NCALD: variants seen among roughly 807,000 people sequenced by gnomAD.
NCALD encodes neurocalcin delta.
In NCALD, 10 loss-of-function variants were observed where a neutral mutation model predicts 18.6. The ratio of observed to expected loss-of-function variants is 0.54; its 90% CI spans 0.33 to 0.91. The LOEUF is 0.91. NCALD is among the 40% of genes least tolerant of loss of function. NCALD has a pLI of 0.03. For missense variants in NCALD, 184 were observed against 247.6 expected (o/e 0.74, Z 1.72); for synonymous variants, 88 against 87.4 (o/e 1.01, Z -0.04).
At chr8:101,921,988 GGCTGGAAT>G (rs1818182081) in intron 2 of NCALD, among the ~76,000 whole-genome samples, 1 of 150,572 alleles carries the variant, frequency 6.6e-6, no homozygotes, top group African/African-American at 2.5e-5. Context: ...CTATTGCCCA[GGCTGGAAT>G]GCAGTGGCAC....
chr8:101,807,466 C>T lies in NCALD; in HGVS notation c.-20+79675G>A, dbSNP rs112328815. ...TGAATCCACAGGTATAAACAGAGAA[C>T]CAGAAAAGATGCAGAAACATAGACC... is the stretch of plus-strand genomic sequence containing the variant. On this transcript the variant is annotated intron_variant, in intron 4 of 6. Transcript: ENST00000311028. 5.7e-3 allele frequency among the ~76,000 whole-genome samples: 872 copies of T among 152,082 alleles called. 11 individuals carry two copies. Among genetic ancestry groups the T allele is most frequent in the African/African-American group, 0.018 (766 of 41,506 alleles).
At chr8:101,954,633 G>C (rs1236037857) in intron 2 of NCALD, among the ~76,000 whole-genome samples, 6 of 152,194 alleles carry the variant, frequency 3.9e-5, no homozygotes, top group Non-Finnish European at 7.3e-5. Flanking sequence ...AGGACAAAGG[G>C]AGGAGAAGAG....
intron 2 of NCALD, among the ~76,000 whole-genome samples, chr8:101,963,333 T>A (rs1230378435): frequency 1.3e-5 from 2 of 152,178 alleles, no homozygotes; most frequent in Non-Finnish European, 2.9e-5. Flanking sequence ...CTCCTTTTCC[T>A]GGTTTTTTGA....
chr8:101,804,876 A>C (rs1353829443), intron 4 of NCALD, among the ~76,000 whole-genome samples: 2 of 151,526 alleles, frequency 1.3e-5, no homozygotes, highest in Non-Finnish European at 2.9e-5. Context: ...CTGGAATCAA[A>C]CCTGCAATAC....
At position 101,916,265 on chromosome 8, in the gene NCALD, C is replaced by T. The variant is rs989639715; in HGVS notation, c.-156-407G>A. ...AGGGATATTCAAAAAAGAACTATCC[C>T]ACCAAATTAAGCTTCATAAAAGAAG... is the stretch of plus-strand genomic sequence containing the variant. On this transcript the variant is annotated intron_variant, in intron 2 of 6. Transcript: ENST00000311028. Among the ~76,000 whole-genome samples, 11 of 152,164 alleles carry T rather than the reference C, an allele frequency of 7.2e-5. No homozygotes were observed. The South Asian group carries it at 2.1e-3, about 29-fold the overall frequency.
chr8:101,906,013 C>A (rs1044527807), intron 3 of NCALD, among the ~76,000 whole-genome samples: 1 of 152,192 alleles, frequency 6.6e-6, no homozygotes, highest in Non-Finnish European at 1.5e-5. Flanking sequence ...TTATGTGATT[C>A]ATTTATGCAA....
intron 3 of NCALD, among the ~76,000 whole-genome samples, chr8:101,899,482 T>G (rs534636515): frequency 4.0e-4 from 61 of 152,130 alleles, no homozygotes; most frequent in African/African-American, 1.4e-3. Context: ...GAGAAAGAAT[T>G]CAATCTTTTA....
chr8:101,872,473 A>ATACT, intron 4 of NCALD: 4 of 880,458 alleles, frequency 4.5e-6, no homozygotes, highest in Non-Finnish European at 7.7e-6. Context: ...TGATTCTTTT[A>ATACT]TACTTTCCTT....
intron 1 of NCALD, among the ~76,000 whole-genome samples, chr8:102,096,920 A>C (rs1267007714): frequency 6.6e-6 from 1 of 152,208 alleles, no homozygotes; most frequent in Non-Finnish European, 1.5e-5. Context: ...CACTGGTAAC[A>C]AGATGACCTC....
chr8:101,819,764 T>C (rs1813645328), intron 4 of NCALD, among the ~76,000 whole-genome samples: 1 of 152,146 alleles, frequency 6.6e-6, no homozygotes, highest in Non-Finnish European at 1.5e-5. Flanking sequence ...TGAATAACAC[T>C]TAGCGAGATA....
At chr8:101,919,487 A>C (rs1818087359) in intron 2 of NCALD, among the ~76,000 whole-genome samples, 1 of 151,978 alleles carries the variant, frequency 6.6e-6, no homozygotes, top group Admixed American at 6.5e-5. Flanking sequence ...ATTTATGACT[A>C]GGCCCTCAAA....
intron 1 of NCALD, among the ~76,000 whole-genome samples, chr8:102,038,078 A>G (rs1423270878): frequency 6.6e-6 from 1 of 152,190 alleles, no homozygotes; most frequent in East Asian, 1.9e-4. Flanking sequence ...CAGTCTGGGA[A>G]GAAGAATGCT....
chr8:101,853,358 G>T (rs541355949), intron 4 of NCALD, among the ~76,000 whole-genome samples: 10 of 152,216 alleles, frequency 6.6e-5, no homozygotes, highest in African/African-American at 2.2e-4. Flanking sequence ...GGGATGAAAA[G>T]GCATTTGGGA....
In NCALD at chr8:102,026,595, C is replaced by A. The variant is rs1586943790; in HGVS notation, c.-209-6306G>T. 4.6e-5 allele frequency among the ~76,000 whole-genome samples: 7 copies of A among 152,306 alleles called. No homozygotes were observed. In the South Asian group the frequency reaches 1.5e-3, roughly 32 times the overall value. ...TCTGTAGCTTTGCAGGGTACAGCCA[C>A]CCTGTCAGCTTCCTTCACAGGCTGG... On this transcript the variant is annotated intron_variant, in intron 1 of 6. Transcript: ENST00000311028.
intron 3 of NCALD, among the ~76,000 whole-genome samples, chr8:101,896,395 C>A (rs1303050852): frequency 1.3e-5 from 2 of 152,020 alleles, no homozygotes; most frequent in African/African-American, 4.8e-5. Context: ...AACGTTAGAC[C>A]TAAAACCATA....
At chr8:101,951,760 C>T (rs554157096) in intron 2 of NCALD, among the ~76,000 whole-genome samples, 1 of 152,326 alleles carries the variant, frequency 6.6e-6, no homozygotes, top group East Asian at 1.9e-4. Flanking sequence ...TAAGTTTCCA[C>T]GATGGATATC....
rs145065661 is a variant in NCALD at position 101,969,781 on chromosome 8, T to G, written c.-157+50456A>C. Among the ~76,000 whole-genome samples the G allele has an allele frequency of 4.1e-3, 620 of 152,336 alleles. 2 individuals are homozygous for G. Among genetic ancestry groups the G allele is most frequent in the African/African-American group, 0.013 (545 of 41,578 alleles). On this transcript the variant is annotated intron_variant, in intron 2 of 6. Transcript: ENST00000311028. ...TTGAATCATATGAAATAACTAATGT[T>G]TGGCTGTTTTTGACTTACAAAAACA... is the stretch of plus-strand genomic sequence containing the variant.
chr8:102,113,178 T>C (rs1473615573), intron 1 of NCALD, among the ~76,000 whole-genome samples: 2 of 152,170 alleles, frequency 1.3e-5, no homozygotes, highest in Non-Finnish European at 2.9e-5. Flanking sequence ...GTTTCAGTAA[T>C]AGCAGATTAG....
chr8:101,691,274 T>C, intron 3 of NCALD: 1 of 985,356 alleles, frequency 1.0e-6, no homozygotes, highest in Non-Finnish European at 1.2e-6. Context: ...ACCCTAACCT[T>C]TGAAAATTTA....
Sources: gnomAD v4.1 joint callset for allele counts (sites outside exome capture counted in the v4.1 genomes callset) on GRCh38, gnomAD v4.1.1 for gene constraint, MANE v1.5 for transcripts, NCBI Gene and HGNC (gene_info 2026-07-23, HGNC 2026-07-21) for gene names.